MALRD1: variants seen among roughly 807,000 people sequenced by gnomAD.
MALRD1 encodes the protein MAM and LDL receptor class A domain containing 1.
Under a neutral mutation model 242.1 loss-of-function variants are expected in MALRD1, and 247 were observed. The observed-to-expected ratio is 1.02, with a 90% CI of 0.92 to 1.13. The LOEUF (loss-of-function observed/expected upper bound fraction) is 1.13, where lower values mean the gene tolerates loss of function less well. Among genes scored for constraint, MALRD1 ranks in the 50% most tolerant of loss-of-function variants. MALRD1 has a pLI of 0.00. For missense variants in MALRD1, 2,989 were observed against 2,533.1 expected, an observed-to-expected ratio of 1.18 and a Z score of -3.86; for synonymous variants, 995 against 866.6, an observed-to-expected ratio of 1.15 and a Z score of -2.60.
chr10:19,210,781 A>G (rs758381755), intron 18 of MALRD1, among the ~76,000 whole-genome samples: 3 of 152,214 alleles, frequency 2.0e-5, no homozygotes, highest in Non-Finnish European at 4.4e-5. Flanking sequence ...ATAAACCGAA[A>G]GCATGAGAAC....
At chr10:19,605,485 C>CTT (rs369007691) in intron 34 of MALRD1, among the ~76,000 whole-genome samples, 22 of 128,446 alleles carry the variant, frequency 1.7e-4, no homozygotes, top group African/African-American at 4.6e-4. Context: ...GTTTTTCTTT[C>CTT]TTTTTTTTTT....
intron 25 of MALRD1, among the ~76,000 whole-genome samples, chr10:19,348,938 C>T (rs1317813957): frequency 6.6e-6 from 1 of 152,114 alleles, no homozygotes; most frequent in East Asian, 1.9e-4. Flanking sequence ...AAAAAGCAAA[C>T]AAATTACATC....
chr10:19,698,012 T>C (rs1833455321), intron 38 of MALRD1, among the ~76,000 whole-genome samples: 1 of 152,222 alleles, frequency 6.6e-6, no homozygotes, highest in Non-Finnish European at 1.5e-5. Flanking sequence ...GACATCTAGA[T>C]GTAAATGCCT....
chr10:19,670,414 T>C lies in MALRD1; in HGVS notation c.6138-21868T>C, dbSNP rs559530338. Among the ~76,000 whole-genome samples the C allele has an allele frequency of 3.9e-5, 6 of 152,246 alleles. No individual in the cohort carries two copies. In the South Asian group the frequency reaches 8.3e-4, roughly 21 times the overall value. On this transcript the variant is annotated intron_variant, in intron 36 of 39. Transcript: ENST00000454679. ...CAACACTCGGAAACCCATTCCTCCT[T>C]CTCTTCCCAAGAATTTTCTTTGTGG...
chr10:19,173,884 A>G (rs1018679954), intron 13 of MALRD1, among the ~76,000 whole-genome samples: 1 of 152,226 alleles, frequency 6.6e-6, no homozygotes, highest in Non-Finnish European at 1.5e-5. Flanking sequence ...TATCATACGA[A>G]GTGTAGGAGA....
chr10:19,281,597 C>A (rs988154512), intron 20 of MALRD1, among the ~76,000 whole-genome samples: 1 of 152,034 alleles, frequency 6.6e-6, no homozygotes, highest in African/African-American at 2.4e-5. Flanking sequence ...TCTCTTCCAC[C>A]CTTTTGTAAG....
chr10:19,489,967 C>T (rs1837409604), intron 29 of MALRD1, among the ~76,000 whole-genome samples: 1 of 152,126 alleles, frequency 6.6e-6, no homozygotes, highest in Admixed American at 6.5e-5. Flanking sequence ...AGCATACATG[C>T]TATTCAGTTG....
chr10:19,719,246 A>ATATGTG (rs1554830477), intron 38 of MALRD1, among the ~76,000 whole-genome samples: 18 of 134,422 alleles, frequency 1.3e-4, no homozygotes, highest in Admixed American at 3.8e-4. Flanking sequence ...ATATATATAT[A>ATATGTG]TATATATATA....
intron 36 of MALRD1, among the ~76,000 whole-genome samples, chr10:19,651,743 A>G (rs1287296504): frequency 1.3e-5 from 2 of 152,246 alleles, no homozygotes; most frequent in Non-Finnish European, 2.9e-5. Flanking sequence ...AAGACATGTA[A>G]GCACTGTAGA....
intron 32 of MALRD1, among the ~76,000 whole-genome samples, chr10:19,544,444 TC>T (rs1835116323): frequency 6.6e-6 from 1 of 152,150 alleles, no homozygotes; most frequent in African/African-American, 2.4e-5. Flanking sequence ...CACCTAGGCC[TC>T]CCAAAGTGTT....
chr10:19,245,236 C>T (rs931503236), intron 18 of MALRD1, among the ~76,000 whole-genome samples: 14 of 152,074 alleles, frequency 9.2e-5, no homozygotes, highest in South Asian at 2.1e-4. Context: ...ATCTAGGTAA[C>T]GTGAGTTACT....
chr10:19,511,628 C>G (rs369026629), intron 31 of MALRD1, among the ~76,000 whole-genome samples: 1 of 151,988 alleles, frequency 6.6e-6, no homozygotes, highest in Non-Finnish European at 1.5e-5. Flanking sequence ...AAAGTCTAAC[C>G]CTATAGAAGA....
At chr10:19,665,133 A>T (rs1446102381) in intron 36 of MALRD1, among the ~76,000 whole-genome samples, 1 of 152,156 alleles carries the variant, frequency 6.6e-6, no homozygotes, top group Non-Finnish European at 1.5e-5. Flanking sequence ...TTATTAACGC[A>T]TGTATACATG....
At chr10:19,426,852 C>CTA (rs1187427930) in intron 28 of MALRD1, among the ~76,000 whole-genome samples, 21 of 152,190 alleles carry the variant, frequency 1.4e-4, no homozygotes, top group Admixed American at 2.6e-4. Flanking sequence ...CATCTTAAGT[C>CTA]TATGGGTAGG....
intron 33 of MALRD1, among the ~76,000 whole-genome samples, chr10:19,570,606 A>G (rs1836481303): frequency 6.6e-6 from 1 of 152,046 alleles, no homozygotes; most frequent in Non-Finnish European, 1.5e-5. Context: ...TATAATAGCC[A>G]ATATGCGTAA....
At chr10:19,463,616 TTGAC>T (rs1449321474) in intron 29 of MALRD1, among the ~76,000 whole-genome samples, 1 of 151,454 alleles carries the variant, frequency 6.6e-6, no homozygotes, top group Non-Finnish European at 1.5e-5. Context: ...TATCTACTCA[TTGAC>T]TGGTGGGCAT....
At chr10:19,316,801 G>A (rs1842724891) in intron 21 of MALRD1, among the ~76,000 whole-genome samples, 1 of 151,776 alleles carries the variant, frequency 6.6e-6, no homozygotes, top group Non-Finnish European at 1.5e-5. Context: ...GCAAGGCAGA[G>A]GTGGGGATAG....
intron 21 of MALRD1, among the ~76,000 whole-genome samples, chr10:19,290,861 A>G (rs1282835848): frequency 6.6e-6 from 1 of 152,082 alleles, no homozygotes; most frequent in African/African-American, 2.4e-5. Flanking sequence ...TTGTGTAATG[A>G]TTCCTCTCAG....
chr10:19,705,690 TTCCTCC>T (rs371941438), intron 38 of MALRD1, among the ~76,000 whole-genome samples: 1 of 150,974 alleles, frequency 6.6e-6, no homozygotes, highest in Non-Finnish European at 1.5e-5. Context: ...GCGCCACCTA[TTCCTCC>T]TCCTCCTCCT....
Sources: gnomAD v4.1 joint callset for allele counts (sites outside exome capture counted in the v4.1 genomes callset) on GRCh38, gnomAD v4.1.1 for gene constraint, MANE v1.5 for transcripts, NCBI Gene and HGNC (gene_info 2026-07-23, HGNC 2026-07-21) for gene names.